The following ITGA8 variants were observed in gnomAD, a reference collection of about 807,000 sequenced individuals.
ITGA8 encodes integrin alpha-8.
Under a neutral mutation model 142.3 loss-of-function variants are expected in ITGA8, and 91 were observed. The observed-to-expected ratio is 0.64, with a 90% CI of 0.54 to 0.76. The LOEUF (loss-of-function observed/expected upper bound fraction) is 0.76, where lower values mean the gene tolerates loss of function less well. Among genes scored for constraint, ITGA8 ranks in the 30% least tolerant of loss-of-function variants. The probability of loss-of-function intolerance (pLI) is 0.00; values close to 1 mark genes in which losing one functional copy is unlikely to be tolerated. For missense variants in ITGA8, 1,406 were observed against 1,327.7 expected (o/e 1.06, Z -0.92); for synonymous variants, 505 against 485.2 (o/e 1.04, Z -0.54).
chr10:15,580,452 C>T (rs956617333), intron 23 of ITGA8, among the ~76,000 whole-genome samples: 2 of 152,192 alleles, frequency 1.3e-5, no homozygotes, highest in Admixed American at 6.5e-5. Context: ...TCACCTGATA[C>T]CCAAATCAGA....
chr10:15,629,553 T>C (rs1335348076), intron 13 of ITGA8, among the ~76,000 whole-genome samples: 1 of 152,100 alleles, frequency 6.6e-6, no homozygotes, highest in Non-Finnish European at 1.5e-5. Context: ...CATGATTATT[T>C]TTCCCTACCC....
intron 13 of ITGA8, among the ~76,000 whole-genome samples, chr10:15,619,555 G>A (rs1223745353): frequency 6.6e-6 from 1 of 152,224 alleles, no homozygotes; most frequent in Non-Finnish European, 1.5e-5. Context: ...ACATTCTTTT[G>A]TAAGGGTTTA....
At chr10:15,709,763 C>T (rs1054321224) in intron 2 of ITGA8, among the ~76,000 whole-genome samples, 1 of 152,196 alleles carries the variant, frequency 6.6e-6, no homozygotes, top group Admixed American at 6.5e-5. Context: ...TTGAAACTGC[C>T]ATGTCAGAAC....
rs1370742640 is a variant in ITGA8 at position 15,516,960 on chromosome 10, C to T, written c.*198G>A. The T allele has an allele frequency of 2.2e-6, 1 of 457,056 alleles. No individual in the cohort carries two copies. The highest frequency in any genetic ancestry group is 3.9e-6 in the Non-Finnish European group (1 of 256,462). The allele number at this position is 457,056 out of a possible 1,614,324, so 28.3% of individuals were successfully genotyped here. A position where few individuals can be genotyped will look rare whatever the true frequency, so the allele number is the denominator to read the frequency against. ...ATGGCTTCTCCAGCTTTGGTGTTTCCTTTTCCAACAGGGCTCACTGGGCAC... is the reference window on the plus strand; with the variant it reads ...ATGGCTTCTCCAGCTTTGGTGTTTCTTTTTCCAACAGGGCTCACTGGGCAC... On this transcript the variant is annotated 3_prime_UTR_variant, in exon 30 of 30. Coordinates refer to ENST00000378076, the MANE Select transcript of ITGA8 (RefSeq NM_003638.3).
rs1455853086 is a variant in ITGA8, at chr10:15,572,134, TA to T, written c.2637+76del. 1.9e-5 allele frequency: 24 copies of T among 1,283,142 alleles called. No individual in the cohort carries two copies. The East Asian group carries it at 5.4e-4, about 29-fold the overall frequency. 79.5% of individuals were successfully genotyped at this position (1,283,142 alleles called of 1,614,324 possible). A position where few individuals can be genotyped will look rare whatever the true frequency, so the allele number is the denominator to read the frequency against. ...TTAAAACGATTTCACTCTTCTTTTT[TA>T]AACAAGCCCAGTTTGTATTTTTTTC... On this transcript the variant is annotated intron_variant, in intron 25 of 29. Coordinates refer to ENST00000378076, the MANE Select transcript of ITGA8 (RefSeq NM_003638.3).
chr10:15,627,306 C>T (rs1833602289), intron 13 of ITGA8, among the ~76,000 whole-genome samples: 3 of 152,044 alleles, frequency 2.0e-5, no homozygotes, highest in African/African-American at 7.2e-5. Flanking sequence ...TGCAGCAGCC[C>T]TCAGGCACAG....
intron 25 of ITGA8, among the ~76,000 whole-genome samples, chr10:15,560,368 C>G (rs151230611): frequency 6.6e-6 from 1 of 152,106 alleles, no homozygotes; most frequent in Admixed American, 6.5e-5. Flanking sequence ...ACTGCAGTAG[C>G]TCAAGAGTGA....
At chr10:15,702,157 T>C (rs1489668748) in intron 2 of ITGA8, among the ~76,000 whole-genome samples, 1 of 152,188 alleles carries the variant, frequency 6.6e-6, no homozygotes, top group African/African-American at 2.4e-5. Flanking sequence ...GTTATTTTGA[T>C]TAAATGAGTA....
intron 19 of ITGA8, 80 bp downstream of exon 19, chr10:15,605,644 A>T: frequency 1.7e-6 from 2 of 1,157,904 alleles, no homozygotes; most frequent in Non-Finnish European, 1.3e-6. Context: ...TTGGAAGTGT[A>T]TACTTTCTCC....
At chr10:15,719,535 G>A in intron 1 of ITGA8, 28 bp downstream of exon 1, 1 of 1,520,454 alleles carries the variant, frequency 6.6e-7, no homozygotes, top group Non-Finnish European at 8.7e-7. Flanking sequence ...TCGTCCCCGC[G>A]CGCACCTCCC....
At chr10:15,576,367 C>A (rs1484560515) in intron 23 of ITGA8, among the ~76,000 whole-genome samples, 1 of 152,068 alleles carries the variant, frequency 6.6e-6, no homozygotes, top group East Asian at 1.9e-4. Context: ...TGACATATAA[C>A]ACATGGCATT....
chr10:15,553,220 G>A (rs752651657), intron 26 of ITGA8, among the ~76,000 whole-genome samples: 2 of 151,348 alleles, frequency 1.3e-5, no homozygotes, highest in Non-Finnish European at 2.9e-5. Flanking sequence ...TTGCACCACC[G>A]CACTCCAGCC....
chr10:15,579,006 C>A (rs974547933), intron 23 of ITGA8, among the ~76,000 whole-genome samples: 3 of 151,932 alleles, frequency 2.0e-5, no homozygotes, highest in African/African-American at 7.2e-5. Context: ...TTATAAAAAA[C>A]AGTAGATAAA....
chr10:15,517,657 C>T (rs1832987773), intron 29 of ITGA8, among the ~76,000 whole-genome samples: 1 of 152,316 alleles, frequency 6.6e-6, no homozygotes, highest in South Asian at 2.1e-4. Context: ...TGGAGCTCTG[C>T]ACGTATAATC....
At chr10:15,624,727 C>T (rs1446152452) in intron 13 of ITGA8, among the ~76,000 whole-genome samples, 8 of 152,158 alleles carry the variant, frequency 5.3e-5, no homozygotes, top group East Asian at 3.8e-4. Flanking sequence ...ATTTTAAAGA[C>T]GAACTAAGGC....
chr10:15,671,471 T>G, intron 8 of ITGA8, 132 bp downstream of exon 8: 2 of 688,112 alleles, frequency 2.9e-6, no homozygotes, highest in Non-Finnish European at 5.2e-6. Flanking sequence ...CTACAAAGTA[T>G]AGGCACTCTG....
intron 10 of ITGA8, among the ~76,000 whole-genome samples, chr10:15,656,683 A>G (rs1368519584): frequency 6.6e-6 from 1 of 151,948 alleles, no homozygotes; most frequent in African/African-American, 2.4e-5. Flanking sequence ...TTATCGCTGC[A>G]GTTTTTCTTT....
At chr10:15,556,018 C>CTTTTTTTTT (rs869241754) in intron 26 of ITGA8, among the ~76,000 whole-genome samples, 4 of 53,634 alleles carry the variant, frequency 7.5e-5, no homozygotes, top group African/African-American at 2.6e-4. Context: ...CTCTCTCTCT[C>CTTTTTTTTT]TTTTTTTTTT....
At chr10:15,533,752 G>T (rs375175911) in intron 27 of ITGA8, among the ~76,000 whole-genome samples, 1 of 152,156 alleles carries the variant, frequency 6.6e-6, no homozygotes, top group Admixed American at 6.5e-5. Context: ...TTATAAATGC[G>T]AAAGTTTCCT....
Sources: gnomAD v4.1 joint callset for allele counts (sites outside exome capture counted in the v4.1 genomes callset) on GRCh38, gnomAD v4.1.1 for gene constraint, MANE v1.5 for transcripts, NCBI Gene and HGNC (gene_info 2026-07-23, HGNC 2026-07-21) for gene names.